Variants in SCN8A observed in about 807,000 individuals in gnomAD.
SCN8A encodes the protein sodium voltage-gated channel alpha subunit 8, also known as sodium channel protein type 8 subunit alpha.
A neutral mutation model predicts 184.1 loss-of-function variants in SCN8A; 30 were observed. The ratio of observed to expected loss-of-function variants is 0.16; its 90% CI spans 0.12 to 0.22. The LOEUF is 0.22. Among genes scored for constraint, SCN8A ranks in the 10% least tolerant of loss-of-function variants. The probability of loss-of-function intolerance (pLI) is 1.00; values close to 1 mark genes in which losing one functional copy is unlikely to be tolerated. For synonymous variants in SCN8A, 852 were observed against 907.0 expected, an observed-to-expected ratio of 0.94 and a Z score of 1.09; for missense variants, 1,057 against 2,498.9, an observed-to-expected ratio of 0.42 and a Z score of 12.30.
At chr12:51,704,375 A>T (rs1288672025) in intron 9 of SCN8A, among the ~76,000 whole-genome samples, 1 of 151,618 alleles carries the variant, frequency 6.6e-6, no homozygotes, top group African/African-American at 2.4e-5. Flanking sequence ...GTCACTCAAG[A>T]TGGGGATTTC....
At chr12:51,701,605 C>T (rs74091611) in intron 8 of SCN8A, among the ~76,000 whole-genome samples, 8,648 of 152,162 alleles carry the variant, frequency 0.057, 384 homozygotes, top group African/African-American at 0.11. Context: ...AGAGTAGCAA[C>T]GTAGTATTTG....
chr12:51,751,270 A>G, intron 13 of SCN8A, 85 bp from the exon 14 acceptor site: 2 of 854,608 alleles, frequency 2.3e-6, no homozygotes, highest in Middle Eastern at 5.5e-4. Flanking sequence ...TATTAATAAC[A>G]GTGATAATGA....
At chr12:51,668,284 T>G (rs1019826660) in intron 2 of SCN8A, among the ~76,000 whole-genome samples, 2 of 152,120 alleles carry the variant, frequency 1.3e-5, no homozygotes, top group Non-Finnish European at 2.9e-5. Context: ...CTTATTAGAA[T>G]AATAGAAAAT....
chr12:51,714,789 T>TAC (rs1259881834), intron 11 of SCN8A, among the ~76,000 whole-genome samples: 1 of 152,330 alleles, frequency 6.6e-6, no homozygotes, highest in East Asian at 1.9e-4. Context: ...ATGCAAAAGT[T>TAC]ACACTCTCAA....
intron 11 of SCN8A, chr12:51,712,894 C>T (rs547735730): frequency 1.3e-6 from 2 of 1,574,990 alleles, no homozygotes; most frequent in South Asian, 2.2e-5. Context: ...TCCACCACGG[C>T]CAAAATTACC....
chr12:51,754,538 T>C (rs568614405), intron 14 of SCN8A, among the ~76,000 whole-genome samples: 141 of 152,268 alleles, frequency 9.3e-4, no homozygotes, highest in African/African-American at 3.2e-3. Flanking sequence ...ATAGCCCTGA[T>C]TGTGAGTTAA....
chr12:51,687,155 A>G lies in SCN8A; in HGVS notation c.550A>G (p.Ile184Val), dbSNP rs1029149299. The G allele has an allele frequency of 8.1e-6, 13 of 1,613,498 alleles. No homozygotes were observed. The highest frequency in any genetic ancestry group is 1.1e-5 in the Non-Finnish European group (13 of 1,179,592). The change falls in exon 5 of 27, where the codon ATA becomes GTA. Residue 184 changes from isoleucine (I) to valine (V), a missense_variant. Coordinates refer to ENST00000627620, the MANE Select transcript of SCN8A (RefSeq NM_001330260.2). The stretch of plus-strand genomic sequence containing the variant: ...GAAAATCATTGCAAGAGGTTTCTGC[A>G]TAGATGGCTTTACCTTTTTACGGGA... ...LVKIIARGFC[I>V]DGFTFLRDPW...
At chr12:51,656,249 T>C (rs1940819233) in intron 1 of SCN8A, among the ~76,000 whole-genome samples, 1 of 152,146 alleles carries the variant, frequency 6.6e-6, no homozygotes, top group African/African-American at 2.4e-5. Context: ...GGGTCAATTA[T>C]ATAACCACAG....
At chr12:51,780,801 G>A in intron 21 of SCN8A, 30 bp downstream of exon 21, 1 of 1,553,820 alleles carries the variant, frequency 6.4e-7, no homozygotes, top group Non-Finnish European at 8.6e-7. Flanking sequence ...TGATCCTTCT[G>A]CATGCCAGTG....
intron 1 of SCN8A, among the ~76,000 whole-genome samples, chr12:51,654,060 G>A (rs1359798816): frequency 1.3e-5 from 2 of 152,046 alleles, no homozygotes; most frequent in Admixed American, 6.6e-5. Flanking sequence ...TTGTTGTTGA[G>A]TTTTAGGAGT....
intron 11 of SCN8A, among the ~76,000 whole-genome samples, chr12:51,715,969 A>T (rs564514943): frequency 6.6e-6 from 1 of 152,198 alleles, no homozygotes; most frequent in Non-Finnish European, 1.5e-5. Flanking sequence ...GAATCAGTCA[A>T]TGTGCCCTTA....
At chr12:51,731,365 C>T (rs1321741020) in intron 12 of SCN8A, among the ~76,000 whole-genome samples, 1 of 152,128 alleles carries the variant, frequency 6.6e-6, no homozygotes, top group African/African-American at 2.4e-5. Context: ...ATTCTCCTGC[C>T]TTGGCCTCCC....
At chr12:51,630,071 T>G (rs1940166135) in intron 1 of SCN8A, among the ~76,000 whole-genome samples, 1 of 152,218 alleles carries the variant, frequency 6.6e-6, no homozygotes, top group Non-Finnish European at 1.5e-5. Flanking sequence ...TTAACTTCAC[T>G]GTGCCATGAT....
Position 51,807,099 on chromosome 12 carries a change from G to C in SCN8A, c.5613G>C (p.Glu1871Asp), listed in dbSNP as rs1230372504. 1.9e-6 allele frequency: 3 copies of C among 1,613,918 alleles called. No homozygotes were observed. The highest frequency in any genetic ancestry group is 1.3e-5 in the African/African-American group (1 of 74,932). The change falls in exon 27 of 27, where the codon GAG (glutamate) becomes GAC (aspartate). Residue 1871 changes from glutamate (E) to aspartate (D), a missense_variant. By Grantham distance (45) the Glu-to-Asp change is conservative. Coordinates refer to ENST00000627620, the MANE Select transcript of SCN8A (RefSeq NM_001330260.2). The surrounding 1 kb of genome is among the most constrained non-coding windows in gnomAD (Gnocchi z 4.5). ...ELDILRQQMEERFVASNPSKV... is the reference protein window; with the variant it reads ...ELDILRQQMEDRFVASNPSKV... ...ACATCCTGCGGCAGCAGATGGAAGA[G>C]CGGTTCGTGGCATCCAATCCTTCCA...
intron 12 of SCN8A, among the ~76,000 whole-genome samples, chr12:51,733,419 G>A (rs542328219): frequency 6.6e-6 from 1 of 152,272 alleles, no homozygotes; most frequent in Non-Finnish European, 1.5e-5. Context: ...TGGTAATGAT[G>A]AATGATCTTT....
intron 11 of SCN8A, among the ~76,000 whole-genome samples, chr12:51,709,683 T>A (rs987378037): frequency 5.9e-5 from 9 of 151,954 alleles, no homozygotes; most frequent in Non-Finnish European, 1.3e-4. Context: ...CCAGCTTCTT[T>A]AAAGAGTGTG....
At chr12:51,605,985 T>C (rs1939583062) in intron 1 of SCN8A, among the ~76,000 whole-genome samples, 2 of 152,230 alleles carry the variant, frequency 1.3e-5, no homozygotes, top group Non-Finnish European at 2.9e-5. Flanking sequence ...CATTGTAGAT[T>C]CTGGTTATTA....
At chr12:51,656,216 C>A (rs1370501077) in intron 1 of SCN8A, among the ~76,000 whole-genome samples, 1 of 151,974 alleles carries the variant, frequency 6.6e-6, no homozygotes, top group African/African-American at 2.4e-5. Flanking sequence ...TAACAGTGAC[C>A]AGACATTTTA....
chr12:51,684,269 A>G lies in SCN8A; in HGVS notation c.372A>G (p.Ile124Met), dbSNP rs574226931. The G allele has an allele frequency of 3.2e-6, 5 of 1,583,248 alleles. No homozygotes were observed. In the African/African-American group the frequency reaches 4.0e-5, roughly 13 times the overall value. The change falls in exon 3 of 27, where the codon ATA becomes ATG. Residue 124 changes from isoleucine to methionine, a missense_variant. Ile to Met is a conservative substitution (Grantham distance 10). Around this residue, in one of 19 missense-constraint regions of SCN8A, gnomAD observed 66 missense variants for 276.4 expected, o/e 0.24. Coordinates refer to ENST00000627620, the MANE Select transcript of SCN8A (RefSeq NM_001330260.2). The part of the protein sequence containing the change: ...ILSPFNLIRR[I>M]AIKILIHSVF... ...GTCCTTTTAACCTGATAAGAAGAAT[A>G]GCTATTAAAATTTTGATACATTCAT... is the stretch of plus-strand genomic sequence containing the variant.
Sources: allele counts gnomAD v4.1 joint callset (sites outside exome capture counted in the v4.1 genomes callset), GRCh38; gene constraint gnomAD v4.1.1; regional missense constraint gnomAD v4.1.1; non-coding constraint Gnocchi (gnomAD v3.1); transcripts MANE v1.5; gene names NCBI Gene and HGNC (gene_info 2026-07-23, HGNC 2026-07-21).